GRM3: variants seen among roughly 807,000 people sequenced by gnomAD.
The protein encoded by GRM3 is glutamate metabotropic receptor 3.
GRM3 carries 26 observed loss-of-function variants against 70.5 expected under a neutral mutation model. The ratio of observed to expected loss-of-function variants is 0.37; its 90% CI spans 0.27 to 0.51. The LOEUF (loss-of-function observed/expected upper bound fraction) is 0.51. GRM3 is among the 20% of genes least tolerant of loss of function. GRM3 has a pLI of 0.93. For synonymous variants in GRM3, 443 were observed against 434.9 expected (o/e 1.02, Z -0.23); for missense variants, 859 against 1,123.8 (o/e 0.76, Z 3.37).
At chr7:86,863,795 GTTTATA>G (rs1799005519) in intron 5 of GRM3, among the ~76,000 whole-genome samples, 2 of 152,078 alleles carry the variant, frequency 1.3e-5, no homozygotes, top group Non-Finnish European at 2.9e-5. Context: ...ATTTAAACCA[GTTTATA>G]GATTACCAAA....
chr7:86,674,661 TCA>T (rs771630745), intron 1 of GRM3, among the ~76,000 whole-genome samples: 5 of 152,272 alleles, frequency 3.3e-5, no homozygotes, highest in East Asian at 3.9e-4. Context: ...ACAGCTACAG[TCA>T]CAGTTTCTTT....
intron 3 of GRM3, among the ~76,000 whole-genome samples, chr7:86,810,611 A>G (rs1426201471): frequency 1.3e-5 from 2 of 151,962 alleles, no homozygotes; most frequent in African/African-American, 4.8e-5. Context: ...ATGGCTTTGC[A>G]TAGAGGTAAC....
intron 2 of GRM3, among the ~76,000 whole-genome samples, chr7:86,779,371 A>G (rs1174274467): frequency 3.3e-5 from 5 of 152,114 alleles, no homozygotes; most frequent in African/African-American, 1.2e-4. Context: ...GTGGCTTCAT[A>G]TTGCCTGCTG....
intron 3 of GRM3, among the ~76,000 whole-genome samples, chr7:86,835,951 AAAAC>A (rs1485419602): frequency 6.6e-6 from 1 of 152,208 alleles, no homozygotes; most frequent in Non-Finnish European, 1.5e-5. Context: ...ATCCCAAAAG[AAAAC>A]AAGCGAAAAA....
At chr7:86,781,837 T>C (rs1797072018) in intron 2 of GRM3, among the ~76,000 whole-genome samples, 1 of 152,122 alleles carries the variant, frequency 6.6e-6, no homozygotes, top group Admixed American at 6.5e-5. Context: ...TTGGAATAAA[T>C]ATAAGACTTT....
intron 1 of GRM3, among the ~76,000 whole-genome samples, chr7:86,735,047 T>A (rs1272214819): frequency 1.3e-5 from 2 of 152,212 alleles, no homozygotes; most frequent in African/African-American, 2.4e-5. Context: ...AGGAGAATAG[T>A]CTTTATTTGC....
At chr7:86,728,030 G>T (rs548889150) in intron 1 of GRM3, among the ~76,000 whole-genome samples, 2 of 152,196 alleles carry the variant, frequency 1.3e-5, no homozygotes, top group Non-Finnish European at 2.9e-5. Context: ...AAAGTGTATT[G>T]TCTCTAAATA....
chr7:86,674,256 G>A (rs977068124), intron 1 of GRM3, among the ~76,000 whole-genome samples: 1 of 143,988 alleles, frequency 6.9e-6, no homozygotes, highest in Non-Finnish European at 1.6e-5. Context: ...TTCCTCATAT[G>A]ACTATTGTTA....
At chr7:86,804,602 G>T (rs1291708584) in intron 3 of GRM3, among the ~76,000 whole-genome samples, 1 of 152,020 alleles carries the variant, frequency 6.6e-6, no homozygotes, top group African/African-American at 2.4e-5. Flanking sequence ...ATAGAGACGG[G>T]GTTTCACCAT....
intron 3 of GRM3, among the ~76,000 whole-genome samples, chr7:86,817,274 A>T (rs978731180): frequency 6.6e-6 from 1 of 151,970 alleles, no homozygotes; most frequent in African/African-American, 2.4e-5. Flanking sequence ...TTGTTATTAA[A>T]TTATAAAATG....
rs147717430 is a variant in GRM3, at chr7:86,669,907, C to G, written c.-141+25035C>G. Among the ~76,000 whole-genome samples the G allele has an allele frequency of 8.5e-5, 13 of 152,270 alleles. No individual in the cohort carries two copies. In the East Asian group the frequency reaches 2.5e-3, roughly 29 times the overall value. On this transcript the variant is annotated intron_variant, in intron 1 of 5. Transcript: ENST00000361669. ...CTCTGTAGTTTCATTTCTGTCCCCA[C>G]CACACTACTGAATATTTTCCTAGTC...
chr7:86,703,428 C>T (rs571441867), intron 1 of GRM3, among the ~76,000 whole-genome samples: 16 of 151,916 alleles, frequency 1.1e-4, no homozygotes, highest in African/African-American at 2.2e-4. Flanking sequence ...GATAAGAAAG[C>T]GCAGAAACTG....
chr7:86,724,822 C>CAA (rs1795554953), intron 1 of GRM3, among the ~76,000 whole-genome samples: 1 of 152,020 alleles, frequency 6.6e-6, no homozygotes, highest in East Asian at 1.9e-4. Flanking sequence ...TACTCTTTGC[C>CAA]AAATACTTTG....
At chr7:86,835,098 T>A (rs1431869232) in intron 3 of GRM3, among the ~76,000 whole-genome samples, 1 of 152,044 alleles carries the variant, frequency 6.6e-6, no homozygotes, top group Non-Finnish European at 1.5e-5. Flanking sequence ...ACCATACAAC[T>A]GTGGAAAGAG....
chr7:86,846,986 G>C (rs1259076477), intron 4 of GRM3, among the ~76,000 whole-genome samples: 1 of 152,176 alleles, frequency 6.6e-6, no homozygotes, highest in East Asian at 1.9e-4. Context: ...GCAGTAGCCA[G>C]AGTGTCAATA....
At chr7:86,704,802 A>G (rs1382304772) in intron 1 of GRM3, among the ~76,000 whole-genome samples, 1 of 151,892 alleles carries the variant, frequency 6.6e-6, no homozygotes, top group African/African-American at 2.4e-5. Context: ...TTTAGAGATT[A>G]CCTTTCCTCG....
Sources: allele counts gnomAD v4.1 joint callset (sites outside exome capture counted in the v4.1 genomes callset), GRCh38; gene constraint gnomAD v4.1.1; transcripts MANE v1.5; gene names NCBI Gene and HGNC (gene_info 2026-07-23, HGNC 2026-07-21).